The following PREP variants were observed in gnomAD, a reference collection of about 807,000 sequenced individuals.
PREP encodes the protein dJ355L5.1 (prolyl endopeptidase).
PREP carries 29 observed loss-of-function variants against 87.6 expected under a neutral mutation model. The ratio of observed to expected loss-of-function variants is 0.33; its 90% CI spans 0.25 to 0.45. The LOEUF (loss-of-function observed/expected upper bound fraction) is 0.45. PREP is among the 20% of genes least tolerant of loss of function. The probability of loss-of-function intolerance (pLI) is 1.00; values close to 1 mark genes in which losing one functional copy is unlikely to be tolerated. For missense variants in PREP, 695 were observed against 886.5 expected (o/e 0.78, Z 2.74); for synonymous variants, 337 against 328.6 (o/e 1.03, Z -0.28).
chr6:105,379,893 G>A (rs549368639), intron 2 of PREP, among the ~76,000 whole-genome samples: 2 of 152,276 alleles, frequency 1.3e-5, no homozygotes, highest in South Asian at 4.1e-4. Context: ...ACATACACAG[G>A]GTAATCAGCA....
chr6:105,343,603 G>A (rs887255002), intron 7 of PREP, among the ~76,000 whole-genome samples: 15 of 151,990 alleles, frequency 9.9e-5, no homozygotes, highest in African/African-American at 3.4e-4. Flanking sequence ...CTACAGAATG[G>A]GAGAAAATTT....
At chr6:105,400,819 T>C (rs1378457621) in intron 1 of PREP, among the ~76,000 whole-genome samples, 3 of 152,236 alleles carry the variant, frequency 2.0e-5, no homozygotes, top group Non-Finnish European at 4.4e-5. Flanking sequence ...ACTGAGCATA[T>C]GGCTGAAGGT....
At chr6:105,354,620 G>C (rs2114686172) in intron 6 of PREP, among the ~76,000 whole-genome samples, 1 of 151,518 alleles carries the variant, frequency 6.6e-6, no homozygotes, top group South Asian at 2.1e-4. Context: ...CCAATCAGTT[G>C]ATGGCCTTAA....
Position 105,334,614 on chromosome 6 carries a change from T to C in PREP, c.824-1109A>G, listed in dbSNP as rs546426766. 2.1e-4 allele frequency among the ~76,000 whole-genome samples: 32 copies of C among 151,890 alleles called. 1 individual carries two copies. The South Asian group carries it at 6.5e-3, about 31-fold the overall frequency. ...CACGCCTGTAATCCCAGCTACTTGGTAGGCTGAAGAGAAGAACAGCTTGAA... is the reference window on the plus strand; with the variant it reads ...CACGCCTGTAATCCCAGCTACTTGGCAGGCTGAAGAGAAGAACAGCTTGAA... On this transcript the variant is annotated intron_variant, in intron 7 of 14. Coordinates refer to ENST00000652536, the MANE Select transcript of PREP (RefSeq NM_002726.5).
intron 3 of PREP, 74 bp from the exon 4 acceptor site, chr6:105,376,329 A>C: frequency 6.6e-7 from 1 of 1,523,090 alleles, no homozygotes; most frequent in Non-Finnish European, 8.9e-7. Context: ...ACACACAAGC[A>C]AAAACCAAAA....
At chr6:105,346,155 G>A (rs886500484) in intron 7 of PREP, among the ~76,000 whole-genome samples, 3 of 150,268 alleles carry the variant, frequency 2.0e-5, no homozygotes, top group East Asian at 3.9e-4. Context: ...TCCTCAGAGA[G>A]GTTTGCTTTT....
intron 10 of PREP, among the ~76,000 whole-genome samples, chr6:105,292,000 A>G (rs1265377041): frequency 6.6e-6 from 1 of 152,216 alleles, no homozygotes; most frequent in Non-Finnish European, 1.5e-5. Context: ...TCAATCACAT[A>G]TGCAGGCTCC....
chr6:105,378,044 T>C (rs1313281174), intron 2 of PREP, among the ~76,000 whole-genome samples: 1 of 152,104 alleles, frequency 6.6e-6, no homozygotes, highest in Admixed American at 6.6e-5. Context: ...GAAGTCAGAG[T>C]CAAAGAGAGA....
At position 105,402,901 on chromosome 6, in the gene PREP, C is replaced by T; in HGVS notation, c.-10G>A. 6.6e-7 allele frequency: 1 copy of T among 1,506,076 alleles called. No individual in the cohort carries two copies. Among genetic ancestry groups the T allele is most frequent in the Non-Finnish European group, 8.9e-7 (1 of 1,117,482 alleles). 93.3% of individuals were successfully genotyped at this position (1,506,076 alleles called of 1,614,324 possible). A position where few individuals can be genotyped will look rare whatever the true frequency, so the allele number is the denominator to read the frequency against. ...ACTGAAGGGACAGCATGGCCGGGGACAGGCAGGGGGCAGCGTGGAGGGGCG... is the reference window on the plus strand; with the variant it reads ...ACTGAAGGGACAGCATGGCCGGGGATAGGCAGGGGGCAGCGTGGAGGGGCG... On this transcript the variant is annotated 5_prime_UTR_variant, in exon 1 of 15. Coordinates refer to ENST00000652536, the MANE Select transcript of PREP (RefSeq NM_002726.5).
At chr6:105,384,572 T>C (rs1021390476) in intron 2 of PREP, among the ~76,000 whole-genome samples, 14 of 152,352 alleles carry the variant, frequency 9.2e-5, no homozygotes, top group Non-Finnish European at 1.8e-4. Flanking sequence ...CCTTCCACGT[T>C]GTTTATATAA....
intron 6 of PREP, among the ~76,000 whole-genome samples, chr6:105,364,563 C>T (rs1282346705): frequency 6.6e-6 from 1 of 152,164 alleles, no homozygotes; most frequent in Non-Finnish European, 1.5e-5. Flanking sequence ...TCTCTGCCCA[C>T]AGGGTTCCTC....
chr6:105,397,656 T>G (rs6568370), intron 2 of PREP, among the ~76,000 whole-genome samples, 197 bp downstream of exon 2: 30,579 of 152,186 alleles, frequency 0.2, 5,568 homozygotes, highest in African/African-American at 0.49. Context: ...TTAGGTGATC[T>G]TCTCTGGGAC....
At chr6:105,360,649 AACTC>A (rs1772222562) in intron 6 of PREP, among the ~76,000 whole-genome samples, 1 of 152,222 alleles carries the variant, frequency 6.6e-6, no homozygotes, top group African/African-American at 2.4e-5. Flanking sequence ...TTTTATACTT[AACTC>A]TATTAGGTTC....
intron 1 of PREP, among the ~76,000 whole-genome samples, chr6:105,399,236 C>A (rs998227016): frequency 2.6e-5 from 4 of 152,212 alleles, no homozygotes; most frequent in Non-Finnish European, 2.9e-5. Flanking sequence ...CTACCTCTAT[C>A]TCAGATGAAT....
At chr6:105,380,750 C>A (rs1772814956) in intron 2 of PREP, among the ~76,000 whole-genome samples, 1 of 149,902 alleles carries the variant, frequency 6.7e-6, no homozygotes, top group Non-Finnish European at 1.5e-5. Flanking sequence ...TCTTGGCTGG[C>A]TCCTGCACTT....
intron 6 of PREP, among the ~76,000 whole-genome samples, chr6:105,363,197 A>C (rs886245879): frequency 4.6e-5 from 7 of 152,226 alleles, no homozygotes; most frequent in African/African-American, 1.7e-4. Flanking sequence ...TTAGGTTCTC[A>C]ATATAGGATT....
At position 105,281,886 on chromosome 6, in the gene PREP, C is replaced by T; in HGVS notation, c.1698G>A (p.Gln566=). The change falls in exon 14 of 15, where the codon CAG becomes CAA. Residue 566 remains glutamine (Q), a synonymous_variant. Transcript: ENST00000652536. ...GGLLVAACAN[Q]RPDLFGCVIA... Reference sequence around the variant, plus strand: ...TAACACAACCAAAGAGGTCAGGTCTCTGATTTGCACAAGCAGCTAAAAGCC... The same window carrying T: ...TAACACAACCAAAGAGGTCAGGTCTTTGATTTGCACAAGCAGCTAAAAGCC... 1 of 1,613,788 alleles carries T rather than the reference C, an allele frequency of 6.2e-7. No individual in the cohort carries two copies. The highest frequency in any genetic ancestry group is 8.5e-7 in the Non-Finnish European group (1 of 1,179,926).
intron 6 of PREP, among the ~76,000 whole-genome samples, chr6:105,359,898 C>T (rs528560487): frequency 3.2e-4 from 49 of 152,278 alleles, no homozygotes; most frequent in South Asian, 1.0e-3. Context: ...CTGCTGCGAT[C>T]GTTCGTCACA....
At chr6:105,364,218 C>T (rs911809395) in intron 6 of PREP, among the ~76,000 whole-genome samples, 1 of 152,170 alleles carries the variant, frequency 6.6e-6, no homozygotes, top group South Asian at 2.1e-4. Flanking sequence ...AATAGCAGTT[C>T]CAATAACCAA....
Sources: gnomAD v4.1 joint callset for allele counts (sites outside exome capture counted in the v4.1 genomes callset) on GRCh38, gnomAD v4.1.1 for gene constraint, MANE v1.5 for transcripts, NCBI Gene and HGNC (gene_info 2026-07-23, HGNC 2026-07-21) for gene names.